Variants in CDIP1 observed in about 807,000 individuals in gnomAD.
CDIP1 encodes the protein cell death-inducing p53-target protein 1.
In CDIP1, 9 loss-of-function variants were observed where a neutral mutation model predicts 17.7. That is an observed-to-expected ratio of 0.51 (90% CI 0.31 to 0.89). The LOEUF (loss-of-function observed/expected upper bound fraction) is 0.89. Among genes scored for constraint, CDIP1 ranks in the 40% least tolerant of loss-of-function variants. The probability of loss-of-function intolerance (pLI) is 0.05; values close to 1 mark genes in which losing one functional copy is unlikely to be tolerated. For synonymous variants in CDIP1, 117 were observed against 109.5 expected, an observed-to-expected ratio of 1.07 and a Z score of -0.43; for missense variants, 263 against 277.9, an observed-to-expected ratio of 0.95 and a Z score of 0.38.
rs974113290 is a variant in CDIP1 at position 4,519,806 on chromosome 16, T to G, written c.-104-5142A>C. Among the ~76,000 whole-genome samples the G allele has an allele frequency of 1.2e-4, 18 of 151,682 alleles. 1 individual carries two copies. The highest frequency in any genetic ancestry group is 2.9e-5 in the Non-Finnish European group (2 of 68,004). ...TCCCCTCCCCTTCTCACCCCCTCTCTCGCCATGTGATCTCTGCACAGAGAC... is the reference window on the plus strand; with the variant it reads ...TCCCCTCCCCTTCTCACCCCCTCTCGCGCCATGTGATCTCTGCACAGAGAC... On this transcript the variant is annotated intron_variant, in intron 1 of 5. Transcript: ENST00000567695.
chr16:4,537,991 C>G (rs562560423), intron 1 of CDIP1, among the ~76,000 whole-genome samples: 1 of 152,356 alleles, frequency 6.6e-6, no homozygotes, highest in African/African-American at 2.4e-5. Context: ...TCCGGGACGG[C>G]CAAGGTCACC....
chr16:4,521,262 C>T (rs1286304905), intron 1 of CDIP1, among the ~76,000 whole-genome samples: 1 of 152,132 alleles, frequency 6.6e-6, no homozygotes, highest in African/African-American at 2.4e-5. Flanking sequence ...GGTAACAAAT[C>T]ATGGCCGTGT....
intron 1 of CDIP1, among the ~76,000 whole-genome samples, chr16:4,535,962 T>C (rs769553800): frequency 3.9e-5 from 6 of 152,206 alleles, no homozygotes; most frequent in Admixed American, 6.5e-5. Context: ...GAGTAATCTA[T>C]TTCCAAGTCC....
intron 1 of CDIP1, among the ~76,000 whole-genome samples, chr16:4,530,593 G>A (rs1219617429): frequency 6.6e-6 from 1 of 151,338 alleles, no homozygotes. Context: ...AGCTTGCAGT[G>A]AGCCGAGATT....
intron 1 of CDIP1, among the ~76,000 whole-genome samples, chr16:4,516,790 G>A (rs1032964821): frequency 2.2e-5 from 3 of 136,504 alleles, no homozygotes; most frequent in African/African-American, 8.3e-5. Flanking sequence ...TCACTGCAAC[G>A]TCTGCCTCCC....
intron 1 of CDIP1, chr16:4,536,434 G>C (rs2059106579): frequency 6.6e-6 from 1 of 152,204 alleles, no homozygotes. Context: ...ACCTGGACAA[G>C]CTTACAGTGT....
Position 4,514,112 on chromosome 16 carries a change from G to T in CDIP1, c.19C>A (p.Pro7Thr). The T allele has an allele frequency of 6.5e-7, 1 of 1,546,486 alleles. No homozygotes were observed. Among genetic ancestry groups the T allele is most frequent in the Non-Finnish European group, 8.6e-7 (1 of 1,157,076 alleles). The change falls in exon 3 of 6, where the codon CCT becomes ACT. Residue 7 changes from proline (P) to threonine (T), a missense_variant. By Grantham distance (38) the Pro-to-Thr change is conservative. Coordinates refer to ENST00000567695, the MANE Select transcript of CDIP1 (RefSeq NM_013399.3). This position sits in a 1 kb window ranked among gnomAD's most constrained non-coding sequence, Gnocchi z 5.2. MSSEPPPPYPGGPTAPL... is the reference protein window; with the variant it reads MSSEPPTPYPGGPTAPL... ...GCTGTGGGGCCCCCAGGATAAGGAGGGGGAGGCTCGCTGGACATCTTCGCT... is the reference window on the plus strand; with the variant it reads ...GCTGTGGGGCCCCCAGGATAAGGAGTGGGAGGCTCGCTGGACATCTTCGCT...
chr16:4,514,158 G>A lies in CDIP1; in HGVS notation c.-14-14C>T. 2.1e-6 allele frequency: 3 copies of A among 1,435,894 alleles called. No homozygotes were observed. Among genetic ancestry groups the A allele is most frequent in the Admixed American group, 5.1e-5 (2 of 38,920 alleles). The allele number at this position is 1,435,894 out of a possible 1,614,324, so 88.9% of individuals were successfully genotyped here. Reference sequence around the variant, plus strand: ...TCGCTGCTTCTCCTGGACATGGAGGGAAAACCCAGACATGAACTAAGCTCC... The same window carrying A: ...TCGCTGCTTCTCCTGGACATGGAGGAAAAACCCAGACATGAACTAAGCTCC... On this transcript the variant is annotated splice_polypyrimidine_tract_variant and intron_variant, in intron 2 of 5. Coordinates refer to ENST00000567695, the MANE Select transcript of CDIP1 (RefSeq NM_013399.3). The surrounding 1 kb of genome is among the most constrained non-coding windows in gnomAD (Gnocchi z 5.2).
intron 1 of CDIP1, among the ~76,000 whole-genome samples, chr16:4,537,599 A>T (rs568868545): frequency 6.6e-6 from 1 of 152,152 alleles, no homozygotes; most frequent in Non-Finnish European, 1.5e-5. Flanking sequence ...TCACTGGGAC[A>T]GGTTCTCAGC....
intron 1 of CDIP1, among the ~76,000 whole-genome samples, chr16:4,528,841 T>C (rs2059026906): frequency 6.6e-6 from 1 of 151,786 alleles, no homozygotes; most frequent in Admixed American, 6.6e-5. Flanking sequence ...ATACAAAAAT[T>C]AGCCAGGCGT....
Position 4,512,225 on chromosome 16 carries a change from A to C in CDIP1, c.*347T>G. On this transcript the variant is annotated 3_prime_UTR_variant, in exon 6 of 6. Coordinates refer to ENST00000567695, the MANE Select transcript of CDIP1 (RefSeq NM_013399.3). This position sits in a 1 kb window ranked among gnomAD's most constrained non-coding sequence, Gnocchi z 4.6. The stretch of plus-strand genomic sequence containing the variant: ...CTGGCTGCTGTTGGTCCCAGGGGGA[A>C]AGAGTCTGGACTGAACCTGTACCTT... 3.2e-6 allele frequency: 1 copy of C among 310,338 alleles called. No individual in the cohort carries two copies. The highest frequency in any genetic ancestry group is 6.2e-6 in the Non-Finnish European group (1 of 161,036). 19.2% of individuals were successfully genotyped at this position (310,338 alleles called of 1,614,324 possible). A position where few individuals can be genotyped will look rare whatever the true frequency, so the allele number is the denominator to read the frequency against.
intron 1 of CDIP1, among the ~76,000 whole-genome samples, chr16:4,527,575 C>T (rs968484555): frequency 4.6e-5 from 7 of 152,230 alleles, no homozygotes; most frequent in Non-Finnish European, 8.8e-5. Context: ...GTCCACAGCA[C>T]GGGGCCACAG....
At chr16:4,534,879 C>T (rs978033648) in intron 1 of CDIP1, among the ~76,000 whole-genome samples, 9 of 151,916 alleles carry the variant, frequency 5.9e-5, no homozygotes, top group Non-Finnish European at 1.0e-4. Flanking sequence ...CCACCACACC[C>T]GGCTAATTTT....
Position 4,512,542 on chromosome 16 carries a change from C to T in CDIP1, c.*30G>A. ...AGCAAAGCACAGGGGGCCAGACTGA[C>T]AGGCGGGGGAGTCCCGAGTCCCAGC... is the stretch of plus-strand genomic sequence containing the variant. On this transcript the variant is annotated 3_prime_UTR_variant, in exon 6 of 6. Transcript: ENST00000567695. This position sits in a 1 kb window ranked among gnomAD's most constrained non-coding sequence, Gnocchi z 4.6. 1 of 1,511,828 alleles carries T rather than the reference C, an allele frequency of 6.6e-7. No individual in the cohort carries two copies. The highest frequency in any genetic ancestry group is 9.2e-7 in the Non-Finnish European group (1 of 1,087,514). The allele number at this position is 1,511,828 out of a possible 1,614,324, so 93.7% of individuals were successfully genotyped here.
chr16:4,535,050 C>T (rs1460498237), intron 1 of CDIP1, among the ~76,000 whole-genome samples: 2 of 152,146 alleles, frequency 1.3e-5, no homozygotes, highest in Non-Finnish European at 2.9e-5. Flanking sequence ...CAACCAAGCT[C>T]GCTTTCTTCC....
At chr16:4,521,928 A>C (rs1191147772) in intron 1 of CDIP1, among the ~76,000 whole-genome samples, 1 of 152,200 alleles carries the variant, frequency 6.6e-6, no homozygotes, top group African/African-American at 2.4e-5. Flanking sequence ...CAATGACGCT[A>C]AATAAATGGA....
At chr16:4,532,464 G>C (rs940420488) in intron 1 of CDIP1, 2 of 152,504 alleles carry the variant, frequency 1.3e-5, no homozygotes, top group African/African-American at 4.8e-5. Context: ...ACCAGGGATA[G>C]CTCCACTGAG....
At chr16:4,521,575 G>A (rs144342933) in intron 1 of CDIP1, among the ~76,000 whole-genome samples, 1 of 152,034 alleles carries the variant, frequency 6.6e-6, no homozygotes, top group African/African-American at 2.4e-5. Context: ...AAGAACATGG[G>A]CTCTGGGCCA....
chr16:4,527,155 T>C (rs1272418133), intron 1 of CDIP1, among the ~76,000 whole-genome samples: 1 of 151,860 alleles, frequency 6.6e-6, no homozygotes, highest in Non-Finnish European at 1.5e-5. Flanking sequence ...TGGCGGGATC[T>C]TGGCTCACTG....
Sources: allele counts gnomAD v4.1 joint callset (sites outside exome capture counted in the v4.1 genomes callset), GRCh38; gene constraint gnomAD v4.1.1; non-coding constraint Gnocchi (gnomAD v3.1); transcripts MANE v1.5; gene names NCBI Gene and HGNC (gene_info 2026-07-23, HGNC 2026-07-21).